STK3: variants seen among roughly 807,000 people sequenced by gnomAD.
STK3 encodes serine/threonine-protein kinase 3.
A neutral mutation model predicts 58.0 loss-of-function variants in STK3; 41 were observed. The ratio of observed to expected loss-of-function variants is 0.71; its 90% CI spans 0.55 to 0.92. STK3 has a LOEUF of 0.92. Among genes scored for constraint, STK3 ranks in the 40% least tolerant of loss-of-function variants. STK3 has a pLI of 0.00. For missense variants in STK3, 479 were observed against 602.7 expected (o/e 0.79, Z 2.15); for synonymous variants, 170 against 191.0 (o/e 0.89, Z 0.91).
intron 10 of STK3, among the ~76,000 whole-genome samples, chr8:98,496,775 T>C (rs1022934213): frequency 4.6e-5 from 7 of 152,106 alleles, no homozygotes; most frequent in South Asian, 2.1e-4. Context: ...GTTAAATTCA[T>C]AGAAACAGAA....
chr8:98,659,412 G>A (rs1051891026), intron 6 of STK3, among the ~76,000 whole-genome samples: 3 of 151,730 alleles, frequency 2.0e-5, no homozygotes, highest in Admixed American at 6.6e-5. Flanking sequence ...ATGAGACTCA[G>A]AAACCAGTAT....
rs558381161 is a variant in STK3, at chr8:98,901,674, C to T, written c.-78-17840G>A. On this transcript the variant is annotated intron_variant, in intron 1 of 1. Transcript: ENST00000519420. Reference sequence around the variant, plus strand: ...GCCCACCTGCTCCCTCAGGCAGCCTCATTCCACACTGGCTCCCTTGGGATG... The same window carrying T: ...GCCCACCTGCTCCCTCAGGCAGCCTTATTCCACACTGGCTCCCTTGGGATG... Among the ~76,000 whole-genome samples the T allele has an allele frequency of 3.3e-5, 5 of 152,390 alleles. No homozygotes were observed. The South Asian group carries it at 8.3e-4, about 25-fold the overall frequency.
intron 6 of STK3, among the ~76,000 whole-genome samples, chr8:98,666,263 T>C (rs755080854): frequency 3.1e-4 from 47 of 151,578 alleles, no homozygotes; most frequent in African/African-American, 1.1e-3. Flanking sequence ...TAGTAACATA[T>C]AGAATAAAGT....
chr8:98,802,898 G>A (rs1833648790), intron 1 of STK3, among the ~76,000 whole-genome samples: 1 of 152,174 alleles, frequency 6.6e-6, no homozygotes. Flanking sequence ...ATCTGTGTGT[G>A]TATGTGCGTG....
intron 3 of STK3, among the ~76,000 whole-genome samples, chr8:98,753,262 A>G (rs1830089755): frequency 6.6e-6 from 1 of 152,250 alleles, no homozygotes; most frequent in African/African-American, 2.4e-5. Context: ...AAAATGTGGT[A>G]CATATACACA....
intron 1 of STK3, among the ~76,000 whole-genome samples, chr8:98,797,126 C>T (rs1022978835): frequency 6.6e-6 from 1 of 152,214 alleles, no homozygotes; most frequent in Non-Finnish European, 1.5e-5. Flanking sequence ...GTTTCATCTA[C>T]ATTGAAACTC....
intron 8 of STK3, among the ~76,000 whole-genome samples, chr8:98,562,417 A>G (rs569009549): frequency 2.4e-4 from 37 of 152,286 alleles, no homozygotes; most frequent in Admixed American, 1.4e-3. Flanking sequence ...AGCCAGTCTG[A>G]AAAGGCTACA....
intron 6 of STK3, among the ~76,000 whole-genome samples, chr8:98,697,087 A>C (rs980352104): frequency 1.3e-5 from 2 of 152,078 alleles, no homozygotes. Flanking sequence ...TAATCTTGGG[A>C]GGGTGTATGT....
intron 6 of STK3, among the ~76,000 whole-genome samples, chr8:98,677,630 A>C (rs1271080314): frequency 3.3e-5 from 5 of 152,034 alleles, no homozygotes; most frequent in Non-Finnish European, 7.4e-5. Context: ...AAAGGTCATC[A>C]ATCACAACCT....
intron 2 of STK3, among the ~76,000 whole-genome samples, chr8:98,378,341 A>C (rs923671618): frequency 6.6e-6 from 1 of 152,148 alleles, no homozygotes; most frequent in Non-Finnish European, 1.5e-5. Flanking sequence ...AATGCCTCAG[A>C]ACACTCTACT....
At chr8:98,425,218 T>C (rs558385238) in intron 3 of STK3, among the ~76,000 whole-genome samples, 3 of 152,264 alleles carry the variant, frequency 2.0e-5, no homozygotes, top group Admixed American at 6.5e-5. Context: ...CCTCCAATGA[T>C]GGACCCAGCA....
chr8:98,738,273 G>A (rs1828795193), intron 4 of STK3, among the ~76,000 whole-genome samples: 1 of 151,834 alleles, frequency 6.6e-6, no homozygotes, highest in African/African-American at 2.4e-5. Flanking sequence ...AGGAGTTCCA[G>A]ACCAGCCTGG....
chr8:98,753,603 A>G (rs954041908), intron 3 of STK3, among the ~76,000 whole-genome samples: 6 of 152,178 alleles, frequency 3.9e-5, no homozygotes, highest in African/African-American at 1.4e-4. Context: ...AAACCTGCAC[A>G]TGTACCTCTG....
At chr8:98,855,327 A>G (rs539303366) in intron 3 of STK3, among the ~76,000 whole-genome samples, 8 of 152,232 alleles carry the variant, frequency 5.3e-5, no homozygotes, top group Non-Finnish European at 8.8e-5. Flanking sequence ...GGACAGACAT[A>G]TGGATCAGAG....
chr8:98,399,079 T>G (rs1312499690), downstream of STK3, among the ~76,000 whole-genome samples: 1 of 152,128 alleles, frequency 6.6e-6, no homozygotes, highest in Non-Finnish European at 1.5e-5. Context: ...AAACTGAATA[T>G]TCAAAGAGAA....
intron 9 of STK3, among the ~76,000 whole-genome samples, chr8:98,541,659 A>G (rs1810289195): frequency 6.6e-6 from 1 of 152,334 alleles, no homozygotes; most frequent in Admixed American, 6.5e-5. Flanking sequence ...ACATTTGAGT[A>G]TAACTGTTGC....
chr8:98,499,698 T>A (rs1187093943), intron 10 of STK3, among the ~76,000 whole-genome samples: 1 of 152,168 alleles, frequency 6.6e-6, no homozygotes, highest in Admixed American at 6.6e-5. Context: ...CAGAAGGAGA[T>A]GAGCAACATT....
chr8:98,446,387 G>A (rs1818950613), intron 1 of STK3, among the ~76,000 whole-genome samples: 1 of 152,180 alleles, frequency 6.6e-6, no homozygotes, highest in Non-Finnish European at 1.5e-5. Context: ...ATAGATGCTT[G>A]TTGATGAGTA....
chr8:98,583,791 G>A (rs1459357925), intron 7 of STK3, among the ~76,000 whole-genome samples: 1 of 151,744 alleles, frequency 6.6e-6, no homozygotes. Context: ...AGTTTAAGAA[G>A]TAGATGAGAA....
Sources: allele counts gnomAD v4.1 joint callset (sites outside exome capture counted in the v4.1 genomes callset), GRCh38; gene constraint gnomAD v4.1.1; transcripts MANE v1.5; gene names NCBI Gene and HGNC (gene_info 2026-07-23, HGNC 2026-07-21).